PELP1: variants seen among roughly 807,000 people sequenced by gnomAD.
The protein encoded by PELP1 is proline-, glutamic acid- and leucine-rich protein 1.
In PELP1, 32 loss-of-function variants were observed where a neutral mutation model predicts 95.5. The observed-to-expected ratio is 0.34, with a 90% CI of 0.25 to 0.45. PELP1 has a LOEUF of 0.45. Among genes scored for constraint, PELP1 ranks in the 20% least tolerant of loss-of-function variants. The pLI is 1.00. For missense variants in PELP1, 1,358 were observed against 1,444.8 expected, an observed-to-expected ratio of 0.94 and a Z score of 0.97; for synonymous variants, 668 against 600.1, an observed-to-expected ratio of 1.11 and a Z score of -1.65.
intron 1 of PELP1, among the ~76,000 whole-genome samples, chr17:4,693,312 TC>T (rs1567667517): frequency 6.6e-6 from 1 of 152,072 alleles, no homozygotes; most frequent in East Asian, 1.9e-4. Flanking sequence ...GGTGAACAGA[TC>T]AAATATAGTG....
rs765669451 is a variant in PELP1 at position 4,673,874 on chromosome 17, G to A, written c.1583-200C>T. 11 of 557,364 alleles carry A rather than the reference G, an allele frequency of 2.0e-5. No homozygotes were observed. Among genetic ancestry groups the A allele is most frequent in the African/African-American group, 3.7e-5 (2 of 53,440 alleles). The allele number at this position is 557,364 out of a possible 1,614,324, so 34.5% of individuals were successfully genotyped here. ...ACTGACGGTATTTAATTGAGACAATGTAAGTAAAAAATTATAAATTTTATA... is the reference window on the plus strand; with the variant it reads ...ACTGACGGTATTTAATTGAGACAATATAAGTAAAAAATTATAAATTTTATA... On this transcript the variant is annotated intron_variant, in intron 13 of 16. Coordinates refer to ENST00000572293, the MANE Select transcript of PELP1 (RefSeq NM_014389.3). This position sits in a 1 kb window ranked among gnomAD's most constrained non-coding sequence, Gnocchi z 5.7.
chr17:4,683,110 T>C lies in PELP1; in HGVS notation c.421-158A>G, dbSNP rs907303496. On this transcript the variant is annotated intron_variant, in intron 3 of 16. Coordinates refer to ENST00000572293, the MANE Select transcript of PELP1 (RefSeq NM_014389.3). The stretch of plus-strand genomic sequence containing the variant: ...AGAAAAGAGGGTGTGGAGACACGGA[T>C]ACTGTGTTTACATTTTACTATTACG... 5.4e-6 allele frequency: 7 copies of C among 1,290,558 alleles called. No homozygotes were observed. In the Admixed American group the frequency reaches 2.7e-4, roughly 50 times the overall value. The allele number at this position is 1,290,558 out of a possible 1,614,324, so 79.9% of individuals were successfully genotyped here.
intron 3 of PELP1, among the ~76,000 whole-genome samples, 158 bp downstream of exon 3, chr17:4,690,730 A>AG (rs1913068778): frequency 6.6e-6 from 1 of 152,182 alleles, no homozygotes; most frequent in South Asian, 2.1e-4. Flanking sequence ...TCAAAAAAAA[A>AG]GTTTCTATTT....
rs1357565335 is a variant in PELP1 at position 4,672,310 on chromosome 17, T to C, written c.2681A>G (p.Glu894Gly). 6.4e-7 allele frequency: 1 copy of C among 1,553,398 alleles called. No homozygotes were observed. ...TTCCTCTTCTTCTTCTTCCTCTTCT[T>C]CCTCTTCCTCCTCCTCTTCATCACT... ...NSSDEEEEEE[E>G]EEEEEEEEEE... The change falls in exon 16 of 17, where the codon GAA becomes GGA. Residue 894 changes from glutamate (E) to glycine (G), a missense_variant. By Grantham distance (98) the Glu-to-Gly change is moderately conservative. Transcript: ENST00000572293.
chr17:4,700,003 C>A (rs921576456), intron 1 of PELP1, among the ~76,000 whole-genome samples: 1 of 145,790 alleles, frequency 6.9e-6, no homozygotes, highest in African/African-American at 2.5e-5. Flanking sequence ...CGAGTTCAAG[C>A]GATTCTCCTG....
chr17:4,684,167 G>A (rs987954216), intron 3 of PELP1, among the ~76,000 whole-genome samples: 19 of 152,062 alleles, frequency 1.2e-4, no homozygotes, highest in Non-Finnish European at 2.2e-4. Flanking sequence ...TGCTAGACGA[G>A]ACGAGGCCAT....
intron 1 of PELP1, among the ~76,000 whole-genome samples, chr17:4,698,417 G>A (rs1913380583): frequency 6.6e-6 from 1 of 151,244 alleles, no homozygotes; most frequent in Admixed American, 6.6e-5. Context: ...TGGATGATCT[G>A]AGGTCAGGAG....
chr17:4,701,991 T>G (rs1913557329), intron 1 of PELP1, among the ~76,000 whole-genome samples: 1 of 152,128 alleles, frequency 6.6e-6, no homozygotes, highest in Non-Finnish European at 1.5e-5. Context: ...ACTTCAGACA[T>G]GTAAGAAAAA....
chr17:4,703,805 GCACAGGTGCCGCGCCATCCTCC>G, intron 1 of PELP1, 36 bp downstream of exon 1: 1 of 1,470,540 alleles, frequency 6.8e-7, no homozygotes, highest in South Asian at 1.2e-5. Context: ...TAATCCCGGC[GCACAGGTGCCGCGCCATCCTCC>G]CCACAGGGCC....
intron 5 of PELP1, among the ~76,000 whole-genome samples, chr17:4,678,327 C>T (rs544304538): frequency 1.3e-5 from 2 of 152,084 alleles, no homozygotes; most frequent in East Asian, 1.9e-4. Flanking sequence ...ACGCTTTCCC[C>T]GAGACATCCT....
rs1912147902 is a variant in PELP1, at chr17:4,670,342, T to C, written c.*1097A>G. Reference sequence around the variant, plus strand: ...GGGGCCCCTAGTTCAAGCCCACCAATCTTGGTACCCTCTCACAGACACATC... The same window carrying C: ...GGGGCCCCTAGTTCAAGCCCACCAACCTTGGTACCCTCTCACAGACACATC... On this transcript the variant is annotated 3_prime_UTR_variant, in exon 17 of 17. Transcript: ENST00000572293. The C allele has an allele frequency of 6.6e-6, 1 of 152,130 alleles. No homozygotes were observed. Among genetic ancestry groups the C allele is most frequent in the Non-Finnish European group, 1.5e-5 (1 of 68,020 alleles). The allele number at this position is 152,130 out of a possible 1,614,324, so 9.4% of individuals were successfully genotyped here.
chr17:4,680,985 C>A (rs978468956), intron 5 of PELP1, among the ~76,000 whole-genome samples: 3 of 152,224 alleles, frequency 2.0e-5, no homozygotes, highest in African/African-American at 7.2e-5. Flanking sequence ...TCATCTGACC[C>A]ACATACACCC....
chr17:4,674,367 CTT>C, intron 13 of PELP1, 141 bp downstream of exon 13: 1 of 708,100 alleles, frequency 1.4e-6, no homozygotes, highest in Non-Finnish European at 2.3e-6. Context: ...TGGGGGATCA[CTT>C]ATCGCAGTGG....
chr17:4,696,257 G>A (rs937361576), intron 1 of PELP1, among the ~76,000 whole-genome samples: 8 of 152,216 alleles, frequency 5.3e-5, no homozygotes, highest in Non-Finnish European at 1.0e-4. Flanking sequence ...GCTTGACCCC[G>A]GGAGGTCAAG....
rs1912284178 is a variant in PELP1 at position 4,672,845 on chromosome 17, G to A, written c.2146C>T (p.Leu716=). The change falls in exon 16 of 17, where the codon CTA becomes TTA. Residue 716 remains leucine (L), a synonymous_variant. Transcript: ENST00000572293. Reference sequence around the variant, plus strand: ...AGAAGCCGGGGAGGGACAGACACTAGGCCTGGGACAGAAAGGCCTAGGTGG... The same window carrying A: ...AGAAGCCGGGGAGGGACAGACACTAAGCCTGGGACAGAAAGGCCTAGGTGG... The part of the protein sequence containing the change: ...ANHLGLSVPG[L]VSVPPRLLPG... 1 of 1,613,960 alleles carries A rather than the reference G, an allele frequency of 6.2e-7. No individual in the cohort carries two copies. Among genetic ancestry groups the A allele is most frequent in the Non-Finnish European group, 8.5e-7 (1 of 1,179,862 alleles).
rs556992182 is a variant in PELP1, at chr17:4,671,107, A to C, written c.*332T>G. 2 of 335,374 alleles carry C rather than the reference A, an allele frequency of 6.0e-6. No individual in the cohort carries two copies. The highest frequency in any genetic ancestry group is 3.8e-5 in the South Asian group (1 of 26,048). 20.8% of individuals were successfully genotyped at this position (335,374 alleles called of 1,614,324 possible). On this transcript the variant is annotated 3_prime_UTR_variant, in exon 17 of 17. Coordinates refer to ENST00000572293, the MANE Select transcript of PELP1 (RefSeq NM_014389.3). ...TCCACACATTTCCCACCCCGAATAC[A>C]AACACGAAAGCAGGGCTGTGTCTCT...
intron 13 of PELP1, among the ~76,000 whole-genome samples, chr17:4,674,303 C>A (rs576099641): frequency 1.3e-5 from 2 of 152,260 alleles, no homozygotes; most frequent in Admixed American, 1.3e-4. Flanking sequence ...GGCCTCTCTG[C>A]GGGCTTCCGC....
intron 1 of PELP1, among the ~76,000 whole-genome samples, chr17:4,700,091 T>G (rs181000440): frequency 9.2e-5 from 14 of 151,576 alleles, no homozygotes; most frequent in Admixed American, 6.6e-4. Flanking sequence ...GTATTTTTAA[T>G]ACAGACGGGG....
intron 6 of PELP1, 36 bp downstream of exon 6, chr17:4,676,717 A>T: frequency 6.5e-7 from 1 of 1,533,210 alleles, no homozygotes; most frequent in Non-Finnish European, 8.9e-7. Context: ...CCAGGCTCAG[A>T]TCCCCGGGCT....
Sources: gnomAD v4.1 joint callset for allele counts (sites outside exome capture counted in the v4.1 genomes callset) on GRCh38, gnomAD v4.1.1 for gene constraint, Gnocchi (gnomAD v3.1) non-coding constraint, MANE v1.5 for transcripts, NCBI Gene and HGNC (gene_info 2026-07-23, HGNC 2026-07-21) for gene names.